The following C2orf66 variants were observed in gnomAD, a reference collection of about 807,000 sequenced individuals.
C2orf66 encodes chromosome 2 open reading frame 66, also known as uncharacterized protein C2orf66.
In C2orf66, 6 loss-of-function variants were observed where a neutral mutation model predicts 7.0. The observed-to-expected ratio is 0.86, with a 90% confidence interval of 0.47 to 1.69. C2orf66 has a LOEUF of 1.69. Ranked by LOEUF, C2orf66 falls within the 40% of genes most tolerant of loss-of-function variation. The pLI is 0.01. For missense variants in C2orf66, 107 were observed against 112.0 expected (o/e 0.96, Z 0.20); for synonymous variants, 38 against 43.8 (o/e 0.87, Z 0.52).
chr2:196,830,205 T>G, the C2orf66 span, among the ~76,000 whole-genome samples: 16,423 of 152,268 alleles, frequency 0.11, 1,031 homozygotes, highest in African/African-American at 0.17. Context: ...ACTAAGGGAA[T>G]GTTCACCAAA....
At chr2:196,830,247 T>TA in the C2orf66 span, among the ~76,000 whole-genome samples, 2 of 152,132 alleles carry the variant, frequency 1.3e-5, no homozygotes, top group African/African-American at 2.4e-5. Flanking sequence ...GGGCACCTGT[T>TA]AAAAAAATTC....
rs148102643 is a variant in C2orf66, at chr2:196,809,219, C to G, written c.118G>C (p.Asp40His). 210 of 1,613,816 alleles carry G rather than the reference C, an allele frequency of 1.3e-4. No individual in the cohort carries two copies. In the African/African-American group the frequency reaches 2.4e-3, roughly 18 times the overall value. ...GGCCCCAAGTGTGTTCTTACCAGATCTCTGTTTCTGGGGTTGTTGAGTGGC... is the reference window on the plus strand; with the variant it reads ...GGCCCCAAGTGTGTTCTTACCAGATGTCTGTTTCTGGGGTTGTTGAGTGGC... ...WKPLNNPRNR[D>H]LFFRRLQAYF... is the part of the protein sequence containing the mutation. The change falls in exon 1 of 3, where the codon GAT becomes CAT. Residue 40 changes from aspartate (D) to histidine (H), a missense_variant. Physicochemically the swap from Asp to His is moderately conservative, Grantham distance 81 (BLOSUM62 -1). Transcript: ENST00000342506.
At chr2:196,829,427 A>G in the C2orf66 span, among the ~76,000 whole-genome samples, 2 of 152,086 alleles carry the variant, frequency 1.3e-5, no homozygotes, top group Admixed American at 6.5e-5. Flanking sequence ...CATCTCTACT[A>G]AAAATACAAA....
chr2:196,807,537 G>A lies in C2orf66; in HGVS notation c.209C>T (p.Pro70Leu). The change falls in exon 2 of 3, where the codon CCT (proline) becomes CTT (leucine). Residue 70 changes from proline (P) to leucine (L), a missense_variant. Pro to Leu is a moderately conservative substitution (Grantham distance 98). Transcript: ENST00000342506. ...FPNPFPTNEN[P>L]RPLSFQSELT... ...TTCTGACTGGAAAGAGAGAGGTCTA[G>A]GATTTTCATTCGTGGGGAAAGGATT... The A allele has an allele frequency of 2.5e-6, 4 of 1,613,634 alleles. No individual in the cohort carries two copies. The highest frequency in any genetic ancestry group is 3.4e-6 in the Non-Finnish European group (4 of 1,179,678).
chr2:196,809,701 C>G (rs1484811161), upstream of C2orf66: 1 of 193,958 alleles, frequency 5.2e-6, no homozygotes, highest in East Asian at 1.2e-4. Context: ...AAAACAAAAC[C>G]TTAAATTACT....
chr2:196,830,641 C>A, the C2orf66 span, among the ~76,000 whole-genome samples: 1 of 152,138 alleles, frequency 6.6e-6, no homozygotes, highest in South Asian at 2.1e-4. Flanking sequence ...CTTGCGTAAG[C>A]GTGAACATGC....
At chr2:196,824,996 G>A in the C2orf66 span, among the ~76,000 whole-genome samples, 15 of 152,188 alleles carry the variant, frequency 9.9e-5, no homozygotes, top group Admixed American at 6.5e-4. Flanking sequence ...CACTTTGGGA[G>A]GCTGAGGAGG....
At chr2:196,827,280 A>G in the C2orf66 span, among the ~76,000 whole-genome samples, 2 of 151,606 alleles carry the variant, frequency 1.3e-5, no homozygotes, top group Non-Finnish European at 2.9e-5. Flanking sequence ...GAACAAAAAA[A>G]CCCCGACAAC....
At chr2:196,831,330 C>G in the C2orf66 span, among the ~76,000 whole-genome samples, 1 of 152,190 alleles carries the variant, frequency 6.6e-6, no homozygotes, top group Non-Finnish European at 1.5e-5. Context: ...CAAGGCAGTA[C>G]TCTACTCATA....
upstream of C2orf66, among the ~76,000 whole-genome samples, chr2:196,811,139 C>A (rs1456687079): frequency 6.6e-6 from 1 of 152,104 alleles, no homozygotes; most frequent in East Asian, 1.9e-4. Flanking sequence ...GAATGGGGCA[C>A]TTTAAAGGTA....
chr2:196,823,516 TG>T, the C2orf66 span, among the ~76,000 whole-genome samples: 1 of 151,024 alleles, frequency 6.6e-6, no homozygotes, highest in Non-Finnish European at 1.5e-5. Context: ...TCCAGTTACT[TG>T]GGGGGGCTGA....
the C2orf66 span, among the ~76,000 whole-genome samples, chr2:196,815,411 A>G: frequency 7.9e-5 from 12 of 152,214 alleles, no homozygotes; most frequent in Non-Finnish European, 1.5e-4. Flanking sequence ...ATCGAGAGAA[A>G]GAGAAAAAAA....
the C2orf66 span, among the ~76,000 whole-genome samples, chr2:196,819,543 AG>A: frequency 0.026 from 3,896 of 152,296 alleles, 161 homozygotes; most frequent in African/African-American, 0.088. Flanking sequence ...CAAGCCACCC[AG>A]TCTATGGTAC....
At chr2:196,813,656 A>G (rs1283725873), upstream of C2orf66, among the ~76,000 whole-genome samples, 1 of 152,232 alleles carries the variant, frequency 6.6e-6, no homozygotes, top group African/African-American at 2.4e-5. Flanking sequence ...ACAGAATGGT[A>G]GAAAATTTTT....
At chr2:196,811,076 C>T (rs946959350), upstream of C2orf66, among the ~76,000 whole-genome samples, 1 of 152,108 alleles carries the variant, frequency 6.6e-6, no homozygotes, top group African/African-American at 2.4e-5. Flanking sequence ...ACCCAGGCAA[C>T]CTGAGGAAGA....
In C2orf66 at chr2:196,805,003, C is replaced by T. The variant is rs143859111; in HGVS notation, c.*425G>A. On this transcript the variant is annotated 3_prime_UTR_variant, in exon 3 of 3. Transcript: ENST00000342506. ...ACAAATTTTAAACCCAACCCTCTATCACATATAATGAATTTTACTATACTA... is the reference window on the plus strand; with the variant it reads ...ACAAATTTTAAACCCAACCCTCTATTACATATAATGAATTTTACTATACTA... 1.8e-4 allele frequency: 28 copies of T among 152,238 alleles called. No homozygotes were observed. The East Asian group carries it at 4.8e-3, about 26-fold the overall frequency. 9.4% of individuals were successfully genotyped at this position (152,238 alleles called of 1,614,324 possible).
the C2orf66 span, among the ~76,000 whole-genome samples, chr2:196,831,234 C>T: frequency 6.6e-6 from 1 of 152,154 alleles, no homozygotes; most frequent in African/African-American, 2.4e-5. Flanking sequence ...CGGCCAGCCT[C>T]TGTGTCTGAG....
At chr2:196,824,240 G>C in the C2orf66 span, among the ~76,000 whole-genome samples, 4 of 152,082 alleles carry the variant, frequency 2.6e-5, no homozygotes, top group African/African-American at 9.6e-5. Flanking sequence ...ATGGTATGGG[G>C]ATAATAATCC....
chr2:196,824,456 AT>A, the C2orf66 span, among the ~76,000 whole-genome samples: 4 of 151,798 alleles, frequency 2.6e-5, no homozygotes, highest in Admixed American at 2.6e-4. Flanking sequence ...TTTTCTTCTG[AT>A]TTTTTTTCTT....
Sources: allele counts gnomAD v4.1 joint callset (sites outside exome capture counted in the v4.1 genomes callset), GRCh38; gene constraint gnomAD v4.1.1; transcripts MANE v1.5; gene names NCBI Gene and HGNC (gene_info 2026-07-23, HGNC 2026-07-21).